CCDC34: variants seen among roughly 807,000 people sequenced by gnomAD.
CCDC34 encodes coiled-coil domain-containing protein 34.
CCDC34 carries 40 observed loss-of-function variants against 44.1 expected under a neutral mutation model. The ratio of observed to expected loss-of-function variants is 0.91; its 90% CI spans 0.70 to 1.18. The LOEUF (loss-of-function observed/expected upper bound fraction) is 1.18, where lower values mean the gene tolerates loss of function less well. Ranked by LOEUF, CCDC34 falls within the 50% of genes most tolerant of loss-of-function variation. The probability of loss-of-function intolerance (pLI) is 0.00; values close to 1 mark genes in which losing one functional copy is unlikely to be tolerated. For synonymous variants in CCDC34, 159 were observed against 158.2 expected (o/e 1.01, Z -0.04); for missense variants, 466 against 452.3 (o/e 1.03, Z -0.28).
At chr11:27,348,837 C>A in intron 3 of CCDC34, 1 of 931,074 alleles carries the variant, frequency 1.1e-6, no homozygotes. Context: ...ATCAATTATT[C>A]CTTAACATGA....
intron 3 of CCDC34, chr11:27,348,849 C>T: frequency 1.1e-6 from 1 of 929,598 alleles, no homozygotes; most frequent in Non-Finnish European, 1.3e-6. Context: ...TTAACATGAA[C>T]AAGAGTTCTG....
At chr11:27,354,458 C>G (rs1221728009) in intron 2 of CCDC34, among the ~76,000 whole-genome samples, 1 of 152,146 alleles carries the variant, frequency 6.6e-6, no homozygotes. Flanking sequence ...CTCATAACAA[C>G]ACTATGAAGC....
intron 1 of CCDC34, among the ~76,000 whole-genome samples, chr11:27,360,449 C>A (rs1030904322): frequency 6.6e-6 from 1 of 152,168 alleles, no homozygotes; most frequent in African/African-American, 2.4e-5. Flanking sequence ...CTCAAAGAAG[C>A]CTTACCCGAT....
intron 3 of CCDC34, among the ~76,000 whole-genome samples, chr11:27,342,743 A>T (rs931497756): frequency 6.6e-6 from 1 of 152,188 alleles, no homozygotes; most frequent in Non-Finnish European, 1.5e-5. Context: ...AGTTTAAAAT[A>T]TTCATTAACT....
chr11:27,360,427 G>A (rs1299254024), intron 1 of CCDC34, among the ~76,000 whole-genome samples: 1 of 152,204 alleles, frequency 6.6e-6, no homozygotes, highest in African/African-American at 2.4e-5. Context: ...TGCAGCTGAT[G>A]CCTGAGCCTA....
At chr11:27,361,703 T>C (rs902369904) in intron 1 of CCDC34, among the ~76,000 whole-genome samples, 4 of 152,188 alleles carry the variant, frequency 2.6e-5, no homozygotes, top group Non-Finnish European at 5.9e-5. Flanking sequence ...ACGGGTTACT[T>C]CATATGGGTT....
intron 2 of CCDC34, among the ~76,000 whole-genome samples, chr11:27,351,007 T>C (rs1404541897): frequency 3.3e-5 from 5 of 149,580 alleles, no homozygotes; most frequent in Admixed American, 6.6e-5. Flanking sequence ...ATTATTTAAC[T>C]GCCTTGCTGT....
At chr11:27,353,795 A>T (rs1862536263) in intron 2 of CCDC34, among the ~76,000 whole-genome samples, 1 of 152,186 alleles carries the variant, frequency 6.6e-6, no homozygotes, top group African/African-American at 2.4e-5. Flanking sequence ...TTAAAAAATA[A>T]ATACTAAGTC....
chr11:27,359,361 T>G (rs1862625932), intron 1 of CCDC34, among the ~76,000 whole-genome samples: 1 of 152,122 alleles, frequency 6.6e-6, no homozygotes, highest in Admixed American at 6.5e-5. Context: ...CCCTGTAACT[T>G]TCACCTAAAT....
Position 27,363,127 on chromosome 11 carries a change from C to A in CCDC34, c.68G>T (p.Arg23Ile), listed in dbSNP as rs751604782. The change falls in exon 1 of 6, where the codon AGA (arginine) becomes ATA (isoleucine). Residue 23 changes from arginine (R) to isoleucine (I), a missense_variant. Coordinates refer to ENST00000328697, the MANE Select transcript of CCDC34 (RefSeq NM_030771.2). ...GTCCGAGGAGGGCCGAGACCTGGGTCTGCAGTCAGCAGAGAAACCGGCGTA... is the reference window on the plus strand; with the variant it reads ...GTCCGAGGAGGGCCGAGACCTGGGTATGCAGTCAGCAGAGAAACCGGCGTA... ...SSYAGFSADC[R>I]PRSRPSSDSC... 5 of 1,556,906 alleles carry A rather than the reference C, an allele frequency of 3.2e-6. No homozygotes were observed. Among genetic ancestry groups the A allele is most frequent in the Middle Eastern group, 1.7e-4 (1 of 5,774 alleles).
chr11:27,354,958 T>G (rs1294256815), intron 2 of CCDC34, among the ~76,000 whole-genome samples: 1 of 152,028 alleles, frequency 6.6e-6, no homozygotes, highest in African/African-American at 2.4e-5. Flanking sequence ...CTCAGAGAAG[T>G]TAATTAACTT....
At chr11:27,362,691 T>C (rs1269120734) in intron 1 of CCDC34, 145 bp downstream of exon 1, 2 of 799,390 alleles carry the variant, frequency 2.5e-6, no homozygotes, top group Non-Finnish European at 3.9e-6. Flanking sequence ...GGGCTCTTTA[T>C]GTGCAAAAAA....
intron 3 of CCDC34, among the ~76,000 whole-genome samples, chr11:27,343,790 C>T (rs1862396795): frequency 4.6e-5 from 7 of 152,058 alleles, no homozygotes; most frequent in Admixed American, 4.6e-4. Context: ...AGGTAGATAC[C>T]ATTATTATCC....
At chr11:27,359,990 A>G (rs1862639231) in intron 1 of CCDC34, among the ~76,000 whole-genome samples, 1 of 152,222 alleles carries the variant, frequency 6.6e-6, no homozygotes, top group Non-Finnish European at 1.5e-5. Context: ...GGTCTAGAAT[A>G]TAGTAGGGTC....
rs749400775 is a variant in CCDC34, at chr11:27,352,530, TATAA to T, written c.499-2095_499-2092del. Reference sequence around the variant, plus strand: ...GTGCATGTGTGTATATATACAAATATATAAATATGAAAGACATTAATTAATTGGC... The same window carrying T: ...GTGCATGTGTGTATATATACAAATATATATGAAAGACATTAATTAATTGGC... On this transcript the variant is annotated intron_variant, in intron 2 of 5. Transcript: ENST00000328697. 4.6e-5 allele frequency among the ~76,000 whole-genome samples: 7 copies of T among 152,278 alleles called. No homozygotes were observed. In the East Asian group the frequency reaches 1.4e-3, roughly 29 times the overall value.
chr11:27,355,684 C>T (rs1206711970), intron 2 of CCDC34, among the ~76,000 whole-genome samples: 1 of 152,114 alleles, frequency 6.6e-6, no homozygotes, highest in Non-Finnish European at 1.5e-5. Context: ...CTTGCTTACA[C>T]CCAGCAAATA....
At chr11:27,340,879 A>T in intron 4 of CCDC34, 42 bp from the exon 5 acceptor site, 2 of 1,586,442 alleles carry the variant, frequency 1.3e-6, no homozygotes, top group Non-Finnish European at 1.7e-6. Flanking sequence ...GATATTCTGT[A>T]ACTATACATT....
intron 1 of CCDC34, 66 bp downstream of exon 1, chr11:27,362,770 G>C (rs181228197): frequency 1.7e-5 from 26 of 1,530,834 alleles, no homozygotes; most frequent in Non-Finnish European, 2.2e-5. Context: ...ATGTTAGAAG[G>C]GGGTACTTAA....
intron 3 of CCDC34, chr11:27,349,866 G>A: frequency 1.0e-6 from 1 of 987,338 alleles, no homozygotes; most frequent in Non-Finnish European, 1.2e-6. Context: ...ATAATGGAAA[G>A]AGATCACAAA....
Sources: allele counts gnomAD v4.1 joint callset (sites outside exome capture counted in the v4.1 genomes callset), GRCh38; gene constraint gnomAD v4.1.1; transcripts MANE v1.5; gene names NCBI Gene and HGNC (gene_info 2026-07-23, HGNC 2026-07-21).